Variants in HERC5 observed in about 807,000 individuals in gnomAD.
HERC5 encodes E3 ISG15--protein ligase HERC5.
In HERC5, 99 loss-of-function variants were observed where a neutral mutation model predicts 119.6. The observed-to-expected ratio is 0.83, with a 90% CI of 0.70 to 0.98. HERC5 has a LOEUF of 0.98. HERC5 is among the 50% of genes least tolerant of loss of function. The pLI is 0.00. For missense variants in HERC5, 1,267 were observed against 1,241.3 expected, an observed-to-expected ratio of 1.02 and a Z score of -0.31; for synonymous variants, 478 against 445.9, an observed-to-expected ratio of 1.07 and a Z score of -0.91.
At chr4:88,481,923 T>C (rs1226894654) in intron 13 of HERC5, among the ~76,000 whole-genome samples, 2 of 152,214 alleles carry the variant, frequency 1.3e-5, no homozygotes, top group East Asian at 1.9e-4. Flanking sequence ...TAAAATATAC[T>C]GTCCTCCTCT....
intron 3 of HERC5, among the ~76,000 whole-genome samples, 162 bp from the exon 4 acceptor site, chr4:88,461,973 A>C (rs1390059828): frequency 6.6e-6 from 1 of 152,222 alleles, no homozygotes; most frequent in African/African-American, 2.4e-5. Context: ...TAAAGAGAAG[A>C]TTCTGTGTTT....
intron 15 of HERC5, among the ~76,000 whole-genome samples, chr4:88,488,682 G>GA (rs1560610465): frequency 1.3e-5 from 2 of 148,588 alleles, no homozygotes. Context: ...TCTTGTCTTG[G>GA]TTTTTTTTTT....
chr4:88,472,432 T>C lies in HERC5; in HGVS notation c.1322T>C (p.Val441Ala), dbSNP rs2149093320. 2 of 1,596,994 alleles carry C rather than the reference T, an allele frequency of 1.3e-6. No individual in the cohort carries two copies. Among genetic ancestry groups the C allele is most frequent in the Middle Eastern group, 1.7e-4 (1 of 6,024 alleles). ...AGAAGAACTACAGAAATGATGCCTG[T>C]TTATTTGGACTTAAATAAAGCAAGA... The part of the protein sequence containing the change: ...RKRRTTEMMP[V>A]YLDLNKARNI... Residue 441 changes from valine (V) to alanine (A), a missense_variant, in exon 11 of 23, where the codon GTT (valine) becomes GCT (alanine). This residue lies in a region of HERC5 where 777 missense variants were observed against 758.0 expected (regional missense o/e 1.03). Transcript: ENST00000264350.
chr4:88,463,675 A>T (rs1740533118), intron 5 of HERC5, 52 bp downstream of exon 5: 9 of 1,510,412 alleles, frequency 6.0e-6, no homozygotes, highest in Non-Finnish European at 8.3e-6. Flanking sequence ...AACAGTTTGT[A>T]TGGGAAGTTA....
At position 88,506,056 on chromosome 4, in the gene HERC5, G is replaced by T. The variant is rs1742095924; in HGVS notation, c.*178G>T. ...GATGAAGAAGAGGGTTTACTGGCCGGTTAGAACCCGTGACTGTATTCTCTC... is the reference window on the plus strand; with the variant it reads ...GATGAAGAAGAGGGTTTACTGGCCGTTTAGAACCCGTGACTGTATTCTCTC... On this transcript the variant is annotated 3_prime_UTR_variant, in exon 23 of 23. Transcript: ENST00000264350. The T allele has an allele frequency of 6.7e-6, 4 of 599,714 alleles. No individual in the cohort carries two copies. Among genetic ancestry groups the T allele is most frequent in the Non-Finnish European group, 1.2e-5 (4 of 339,244 alleles). The allele number at this position is 599,714 out of a possible 1,614,324, so 37.1% of individuals were successfully genotyped here. A position where few individuals can be genotyped will look rare whatever the true frequency, so the allele number is the denominator to read the frequency against.
chr4:88,465,686 A>G (rs528066028), intron 6 of HERC5, among the ~76,000 whole-genome samples: 59 of 152,356 alleles, frequency 3.9e-4, no homozygotes, highest in Middle Eastern at 3.4e-3. Context: ...AATGCACATC[A>G]GGGCAATACC....
Position 88,463,619 on chromosome 4 carries a change from CA to C in HERC5, c.777del (p.Gln260ArgfsTer25). ...ACGGSHSALL[T>X]QDGLLFTFGA... ...GGTGGCTCTCACAGTGCCCTACTCA[CA>C]CAGGTGGGTGTACCCTTGTCTCTTT... On this transcript the variant is annotated frameshift_variant, in exon 5 of 23. Transcript: ENST00000264350. LOFTEE classifies it high-confidence loss of function. The C allele has an allele frequency of 1.2e-6, 2 of 1,612,364 alleles. No individual in the cohort carries two copies. The highest frequency in any genetic ancestry group is 1.7e-6 in the Non-Finnish European group (2 of 1,178,488).
At position 88,470,835 on chromosome 4, in the gene HERC5, C is replaced by T. The variant is rs540853025; in HGVS notation, c.1298+162C>T. ...TTTGCTGTAGAAAATGTCAAAAATA[C>T]ACACAATAAAAAGAAAGTGAAAATC... On this transcript the variant is annotated intron_variant, in intron 10 of 22. Coordinates refer to ENST00000264350, the MANE Select transcript of HERC5 (RefSeq NM_016323.4). Among the ~76,000 whole-genome samples the T allele has an allele frequency of 1.4e-3, 209 of 151,974 alleles. 1 individual carries two copies. The highest frequency in any genetic ancestry group is 4.9e-3 in the African/African-American group (204 of 41,450).
At chr4:88,463,466 A>T in intron 4 of HERC5, 66 bp from the exon 5 acceptor site, 2 of 1,008,488 alleles carry the variant, frequency 2.0e-6, no homozygotes, top group Admixed American at 3.6e-5. Flanking sequence ...GCAGCAGTCC[A>T]GGTAACTCCA....
At chr4:88,465,342 G>A (rs755115909) in intron 6 of HERC5, among the ~76,000 whole-genome samples, 8 of 152,156 alleles carry the variant, frequency 5.3e-5, no homozygotes, top group Admixed American at 3.3e-4. Flanking sequence ...CTCACTAAAC[G>A]TAGAGCAAAA....
At chr4:88,485,073 A>C (rs574845558) in intron 13 of HERC5, among the ~76,000 whole-genome samples, 65 of 152,276 alleles carry the variant, frequency 4.3e-4, no homozygotes, top group Non-Finnish European at 6.2e-4. Flanking sequence ...AGGTTAATGA[A>C]AAATAATTTG....
In HERC5 at chr4:88,462,285, T is replaced by C. The variant is rs752493374; in HGVS notation, c.617T>C (p.Leu206Ser). Reference sequence around the variant, plus strand: ...GCCGGAGAAGCCCACAGCATGGCCTTATCCATGTCTGGCAACATTTATTCA... The same window carrying C: ...GCCGGAGAAGCCCACAGCATGGCCTCATCCATGTCTGGCAACATTTATTCA... ...ISAGEAHSMALSMSGNIYSWG... is the reference protein window; with the variant it reads ...ISAGEAHSMASSMSGNIYSWG... The change falls in exon 4 of 23, where the codon TTA becomes TCA. Residue 206 changes from leucine to serine, a missense_variant. By Grantham distance (145) the Leu-to-Ser change is moderately radical (BLOSUM62 -2). This residue lies in a region of HERC5 where 777 missense variants were observed against 758.0 expected (regional missense o/e 1.03). Transcript: ENST00000264350. 30 of 1,614,086 alleles carry C rather than the reference T, an allele frequency of 1.9e-5. No homozygotes were observed. The highest frequency in any genetic ancestry group is 2.4e-5 in the Non-Finnish European group (28 of 1,180,028).
At position 88,505,167 on chromosome 4, in the gene HERC5, G is replaced by C. The variant is rs117936564; in HGVS notation, c.2870-506G>C. On this transcript the variant is annotated intron_variant, in intron 22 of 22. Coordinates refer to ENST00000264350, the MANE Select transcript of HERC5 (RefSeq NM_016323.4). ...TTTGTCCCAACCAAATAATCCCATT[G>C]TCTGAACACTCCTGAGCTCACCTTG... Among the ~76,000 whole-genome samples the C allele has an allele frequency of 9.2e-5, 14 of 152,240 alleles. No individual in the cohort carries two copies. In the East Asian group the frequency reaches 2.5e-3, roughly 27 times the overall value.
chr4:88,458,322 T>C (rs749154082), intron 1 of HERC5, among the ~76,000 whole-genome samples: 6 of 152,098 alleles, frequency 3.9e-5, no homozygotes, highest in Non-Finnish European at 5.9e-5. Flanking sequence ...GGCTTATGGG[T>C]TTTATGTTAG....
chr4:88,462,417 G>C, intron 4 of HERC5, 61 bp downstream of exon 4: 1 of 1,351,454 alleles, frequency 7.4e-7, no homozygotes, highest in Non-Finnish European at 1.1e-6. Flanking sequence ...TGAATTTAAT[G>C]GACCTCCCTG....
At position 88,479,516 on chromosome 4, in the gene HERC5, TC is replaced by T. The variant is rs1741202006; in HGVS notation, c.1737+11del. ...TGAAGAAGCTGCACAGGGTAAGAGT[TC>T]CTTTAGAAACCTCTGTGTTTTTATC... On this transcript the variant is annotated intron_variant, in intron 13 of 22. Coordinates refer to ENST00000264350, the MANE Select transcript of HERC5 (RefSeq NM_016323.4). 6.4e-7 allele frequency: 1 copy of T among 1,551,192 alleles called. No individual in the cohort carries two copies. Among genetic ancestry groups the T allele is most frequent in the Non-Finnish European group, 8.7e-7 (1 of 1,153,344 alleles).
At chr4:88,461,145 TAGTG>T (rs1396315955) in intron 3 of HERC5, among the ~76,000 whole-genome samples, 3 of 152,326 alleles carry the variant, frequency 2.0e-5, no homozygotes, top group East Asian at 1.9e-4. Flanking sequence ...AGTTAATAAT[TAGTG>T]AGTATTTGAC....
chr4:88,469,268 C>T lies in HERC5; in HGVS notation c.1238+8C>T. ...GTGGCAGAGCACAAAAAGGTACACC[C>T]CACAGTCTGACTCTCTGCTTATATA... is the stretch of plus-strand genomic sequence containing the variant. On this transcript the variant is annotated splice_region_variant and intron_variant, in intron 9 of 22. Transcript: ENST00000264350. The T allele has an allele frequency of 6.4e-7, 1 of 1,573,092 alleles. No individual in the cohort carries two copies.
intron 1 of HERC5, among the ~76,000 whole-genome samples, chr4:88,458,900 A>G (rs901565207): frequency 2.0e-5 from 3 of 152,192 alleles, no homozygotes; most frequent in East Asian, 3.8e-4. Flanking sequence ...TTCTATTGGT[A>G]ACTGTCGGGA....
Sources: allele counts gnomAD v4.1 joint callset (sites outside exome capture counted in the v4.1 genomes callset), GRCh38; gene constraint gnomAD v4.1.1; regional missense constraint gnomAD v4.1.1; transcripts MANE v1.5; gene names NCBI Gene and HGNC (gene_info 2026-07-23, HGNC 2026-07-21).